Variants in ERI1 observed in about 807,000 individuals in gnomAD.
The protein encoded by ERI1 is exoribonuclease 1.
Under a neutral mutation model 39.7 loss-of-function variants are expected in ERI1, and 39 were observed. The observed-to-expected ratio is 0.98, with a 90% CI of 0.76 to 1.28. The LOEUF is 1.28. Among genes scored for constraint, ERI1 ranks in the 50% most tolerant of loss-of-function variants. The pLI, the probability that ERI1 is intolerant of heterozygous loss-of-function variation, is 0.00. For missense variants in ERI1, 581 were observed against 416.9 expected (o/e 1.39, Z -3.43); for synonymous variants, 204 against 149.6 (o/e 1.36, Z -2.65).
At chr8:9,047,347 G>A (rs1798206249) in intron 3 of ERI1, among the ~76,000 whole-genome samples, 1 of 152,122 alleles carries the variant, frequency 6.6e-6, no homozygotes. Context: ...AGGCTAAGGA[G>A]CCCTTCTCTG....
intron 3 of ERI1, among the ~76,000 whole-genome samples, chr8:9,083,414 A>G (rs895374486): frequency 5.3e-5 from 8 of 152,188 alleles, no homozygotes; most frequent in Non-Finnish European, 1.0e-4. Flanking sequence ...GTTTATCTCC[A>G]TTCTTTTTCT....
At chr8:9,084,664 G>T (rs922450132) in intron 3 of ERI1, among the ~76,000 whole-genome samples, 1 of 152,174 alleles carries the variant, frequency 6.6e-6, no homozygotes, top group Non-Finnish European at 1.5e-5. Context: ...CATTCTGGGG[G>T]CTGCTCCTGG....
At position 9,021,770 on chromosome 8, in the gene ERI1, TTTTG is replaced by T. The variant is rs1470745623; in HGVS notation, c.807+1310_807+1313del. Among the ~76,000 whole-genome samples, 240 of 82,008 alleles carry T rather than the reference TTTTG, an allele frequency of 2.9e-3. 1 individual carries two copies. Among genetic ancestry groups the T allele is most frequent in the African/African-American group, 0.01 (232 of 22,374 alleles). The allele number at this position is 82,008 out of a possible 152,430, so 53.8% of individuals were successfully genotyped here. ...TTATACTGGCTATATTATTTGTTTT[TTTTG>T]TTTTTTTTTTTTTTTCAATATTATG... On this transcript the variant is annotated intron_variant, in intron 6 of 6. Coordinates refer to ENST00000250263, the MANE Select transcript of ERI1 (RefSeq NM_153332.4).
chr8:9,010,701 C>A (rs564514997), intron 2 of ERI1, among the ~76,000 whole-genome samples: 8 of 152,016 alleles, frequency 5.3e-5, no homozygotes, highest in Middle Eastern at 3.2e-3. Flanking sequence ...ATTTATATAA[C>A]GCTGAAGGAA....
intron 3 of ERI1, among the ~76,000 whole-genome samples, chr8:9,056,619 G>T (rs931289204): frequency 6.7e-6 from 1 of 149,138 alleles, no homozygotes; most frequent in Non-Finnish European, 1.5e-5. Flanking sequence ...CTTCGCGAAG[G>T]GCTCGGTTTT....
At chr8:9,028,418 A>G (rs369180152) in intron 6 of ERI1, among the ~76,000 whole-genome samples, 54 of 152,322 alleles carry the variant, frequency 3.5e-4, no homozygotes, top group Middle Eastern at 3.4e-3. Context: ...GGTATATTGC[A>G]GTATTACAGC....
intron 6 of ERI1, among the ~76,000 whole-genome samples, chr8:9,022,311 C>G (rs1008862240): frequency 6.6e-6 from 1 of 151,952 alleles, no homozygotes; most frequent in Admixed American, 6.6e-5. Flanking sequence ...TTTTCATTAC[C>G]TGTGTATTTT....
At position 9,006,264 on chromosome 8, in the gene ERI1, G is replaced by A. The variant is rs7824053; in HGVS notation, c.109-1706G>A. Among the ~76,000 whole-genome samples the A allele has an allele frequency of 6.4e-3, 973 of 152,286 alleles. 18 individuals carry two copies. The highest frequency in any genetic ancestry group is 0.022 in the African/African-American group (914 of 41,550). ...GAGGATTGGACCTCGGCTGTCTCTA[G>A]AACTTCACTGAAGGAAGAGAACTAG... On this transcript the variant is annotated intron_variant, in intron 1 of 6. Transcript: ENST00000250263.
intron 1 of ERI1, among the ~76,000 whole-genome samples, chr8:9,005,585 G>T (rs886851178): frequency 6.6e-6 from 1 of 150,514 alleles, no homozygotes; most frequent in African/African-American, 2.5e-5. Flanking sequence ...CTCAGTCTCG[G>T]CTCGCTGCAA....
At chr8:9,023,968 T>C (rs1818201748) in intron 6 of ERI1, among the ~76,000 whole-genome samples, 1 of 151,770 alleles carries the variant, frequency 6.6e-6, no homozygotes, top group Admixed American at 6.6e-5. Flanking sequence ...CTGGCTGATT[T>C]TTTTGTATTT....
At position 9,085,956 on chromosome 8, in the gene ERI1, C is replaced by T. The variant is rs1449972733; in HGVS notation, n.300-30392C>T. 2.6e-5 allele frequency among the ~76,000 whole-genome samples: 4 copies of T among 152,036 alleles called. No individual in the cohort carries two copies. The South Asian group carries it at 6.2e-4, about 24-fold the overall frequency. On this transcript the variant is annotated intron_variant and non_coding_transcript_variant, in intron 3 of 3. Transcript: ENST00000518663. ...GCTTTTTTTAAAGTGTGTGCATAAG[C>T]ATGCATGTGTTGGTTTGTGTGTATC...
intron 3 of ERI1, among the ~76,000 whole-genome samples, chr8:9,070,236 CAA>C (rs112125195): frequency 8.4e-6 from 1 of 119,376 alleles, no homozygotes. Flanking sequence ...GACGCTGTCT[CAA>C]AAAAAAAAAC....
chr8:9,071,853 T>A (rs887821021), intron 3 of ERI1, among the ~76,000 whole-genome samples: 3 of 152,146 alleles, frequency 2.0e-5, no homozygotes, highest in Admixed American at 6.5e-5. Flanking sequence ...ACTGCTTGAA[T>A]CCAGGAGTTC....
At chr8:9,023,293 A>G (rs1818113642) in intron 6 of ERI1, among the ~76,000 whole-genome samples, 1 of 152,026 alleles carries the variant, frequency 6.6e-6, no homozygotes. Context: ...GTGGTTTCAG[A>G]GGTGTCTCTG....
chr8:9,044,284 CTTACA>C (rs1263861752), intron 3 of ERI1, among the ~76,000 whole-genome samples: 1 of 152,174 alleles, frequency 6.6e-6, no homozygotes, highest in Non-Finnish European at 1.5e-5. Flanking sequence ...TCTAGAGCTC[CTTACA>C]TTTTCTCTGA....
intron 1 of ERI1, among the ~76,000 whole-genome samples, chr8:9,004,485 C>CTTGTTTTTTTTTT (rs1815744662): frequency 2.4e-4 from 19 of 78,304 alleles, no homozygotes; most frequent in African/African-American, 9.0e-4. Flanking sequence ...TATAGTGATA[C>CTTGTTTTTTTTTT]TTTTTTTTTT....
At chr8:9,078,058 C>T (rs574795699) in intron 3 of ERI1, among the ~76,000 whole-genome samples, 1 of 152,210 alleles carries the variant, frequency 6.6e-6, no homozygotes, top group Admixed American at 6.5e-5. Flanking sequence ...GGAGTGATCT[C>T]GGCTCACTGC....
chr8:9,077,813 C>G (rs992490178), intron 3 of ERI1, among the ~76,000 whole-genome samples: 1 of 152,156 alleles, frequency 6.6e-6, no homozygotes, highest in African/African-American at 2.4e-5. Context: ...TGCGTTTGCC[C>G]CTCCGCAGGT....
Position 9,082,371 on chromosome 8 carries a change from C to T in ERI1, n.300-33977C>T, listed in dbSNP as rs903509225. ...AATGAGTTGCCAAGTCACCAGTAGGCAGGAAAAGACAGAAGGGCTTCTCTG... is the reference window on the plus strand; with the variant it reads ...AATGAGTTGCCAAGTCACCAGTAGGTAGGAAAAGACAGAAGGGCTTCTCTG... On this transcript the variant is annotated intron_variant and non_coding_transcript_variant, in intron 3 of 3. Transcript: ENST00000518663. Among the ~76,000 whole-genome samples, 4 of 152,326 alleles carry T rather than the reference C, an allele frequency of 2.6e-5. No homozygotes were observed. The East Asian group carries it at 5.8e-4, about 22-fold the overall frequency.
Sources: gnomAD v4.1 joint callset for allele counts (sites outside exome capture counted in the v4.1 genomes callset) on GRCh38, gnomAD v4.1.1 for gene constraint, MANE v1.5 for transcripts, NCBI Gene and HGNC (gene_info 2026-07-23, HGNC 2026-07-21) for gene names.